KCNN2: variants seen among roughly 807,000 people sequenced by gnomAD.
The protein encoded by KCNN2 is small conductance calcium-activated potassium channel protein 2.
Under a neutral mutation model 55.5 loss-of-function variants are expected in KCNN2, and 24 were observed. That is an observed-to-expected ratio of 0.43 (90% CI 0.31 to 0.61). KCNN2 has a LOEUF of 0.61. Among genes scored for constraint, KCNN2 ranks in the 20% least tolerant of loss-of-function variants. KCNN2 has a pLI of 0.08. For synonymous variants in KCNN2, 431 were observed against 336.1 expected, an observed-to-expected ratio of 1.28 and a Z score of -3.09; for missense variants, 754 against 853.6, an observed-to-expected ratio of 0.88 and a Z score of 1.45.
intron 2 of KCNN2, among the ~76,000 whole-genome samples, chr5:114,369,503 G>A (rs185098069): frequency 9.1e-4 from 138 of 152,274 alleles, no homozygotes; most frequent in African/African-American, 3.2e-3. Flanking sequence ...ATGTACCTAT[G>A]AGGTGGATAA....
chr5:114,386,679 A>G (rs1230705602), intron 2 of KCNN2, among the ~76,000 whole-genome samples: 1 of 152,210 alleles, frequency 6.6e-6, no homozygotes, highest in Non-Finnish European at 1.5e-5. Context: ...TATTTCTCTC[A>G]TTCTTACTCT....
At chr5:114,458,550 A>G (rs1352075154) in intron 3 of KCNN2, among the ~76,000 whole-genome samples, 2 of 152,204 alleles carry the variant, frequency 1.3e-5, no homozygotes, top group Non-Finnish European at 2.9e-5. Flanking sequence ...TTCAAATATT[A>G]CTTCCCTGCT....
At chr5:114,082,006 G>A (rs897948658) in intron 1 of KCNN2, among the ~76,000 whole-genome samples, 2 of 152,108 alleles carry the variant, frequency 1.3e-5, no homozygotes, top group Admixed American at 1.3e-4. Flanking sequence ...TTCCAAAGAA[G>A]ATATAAAAAT....
At chr5:114,313,518 C>A (rs558011323) in intron 2 of KCNN2, among the ~76,000 whole-genome samples, 6 of 152,132 alleles carry the variant, frequency 3.9e-5, no homozygotes, top group African/African-American at 1.4e-4. Flanking sequence ...AAGGTGCTGA[C>A]GTGTGGACAA....
intron 7 of KCNN2, 102 bp from the exon 8 acceptor site, chr5:114,495,793 A>G: frequency 1.8e-6 from 2 of 1,114,706 alleles, no homozygotes; most frequent in Non-Finnish European, 2.6e-6. Flanking sequence ...CCCCTGTTAC[A>G]CTGAATGCCA....
At chr5:114,201,742 G>T (rs1753676877) in intron 1 of KCNN2, among the ~76,000 whole-genome samples, 1 of 151,966 alleles carries the variant, frequency 6.6e-6, no homozygotes, top group Admixed American at 6.5e-5. Flanking sequence ...GAAGCTGTGG[G>T]GAGTGTGGTC....
intron 1 of KCNN2, among the ~76,000 whole-genome samples, chr5:114,106,894 A>T (rs1354261696): frequency 1.3e-5 from 2 of 151,996 alleles, no homozygotes; most frequent in African/African-American, 2.4e-5. Flanking sequence ...CCAAGTTATC[A>T]ACCTTTTTGT....
intron 1 of KCNN2, among the ~76,000 whole-genome samples, chr5:114,109,907 A>T (rs1751561336): frequency 6.6e-6 from 1 of 152,064 alleles, no homozygotes; most frequent in South Asian, 2.1e-4. Context: ...GGCCCCTCCA[A>T]ATCTCAGATG....
chr5:114,240,580 C>T (rs943204713), intron 2 of KCNN2, among the ~76,000 whole-genome samples: 6 of 151,818 alleles, frequency 4.0e-5, no homozygotes, highest in Non-Finnish European at 5.9e-5. Context: ...CACAGGTGCA[C>T]GTCACCATGC....
intron 2 of KCNN2, among the ~76,000 whole-genome samples, chr5:114,275,431 C>G (rs1362616024): frequency 2.0e-5 from 3 of 152,114 alleles, no homozygotes; most frequent in African/African-American, 4.8e-5. Flanking sequence ...CTTTGTACCT[C>G]TGGTAGAATT....
At chr5:114,431,770 C>A (rs1759804249) in intron 3 of KCNN2, among the ~76,000 whole-genome samples, 2 of 152,046 alleles carry the variant, frequency 1.3e-5, no homozygotes, top group African/African-American at 2.4e-5. Flanking sequence ...AATTTTGATA[C>A]ATTGTATTTT....
At chr5:114,309,709 G>C (rs1464469828) in intron 2 of KCNN2, among the ~76,000 whole-genome samples, 3 of 152,130 alleles carry the variant, frequency 2.0e-5, no homozygotes, top group Admixed American at 2.0e-4. Context: ...TAGCTATCTA[G>C]GAGAGTCAAC....
At chr5:114,440,741 T>C (rs955699457) in intron 3 of KCNN2, among the ~76,000 whole-genome samples, 1 of 152,066 alleles carries the variant, frequency 6.6e-6, no homozygotes, top group Admixed American at 6.6e-5. Context: ...TTAAAAGTTA[T>C]AAGTATAACC....
At chr5:114,278,190 A>G (rs762920677) in intron 2 of KCNN2, among the ~76,000 whole-genome samples, 3 of 152,132 alleles carry the variant, frequency 2.0e-5, no homozygotes, top group Admixed American at 1.3e-4. Context: ...CAGAACAGCA[A>G]ATATTGCTGC....
intron 3 of KCNN2, among the ~76,000 whole-genome samples, chr5:114,432,410 A>G (rs539479789): frequency 6.6e-6 from 1 of 152,360 alleles, no homozygotes; most frequent in Non-Finnish European, 1.5e-5. Flanking sequence ...TTTGATTAGT[A>G]TTACCATGGT....
chr5:114,225,382 T>G (rs1280370221), intron 2 of KCNN2, among the ~76,000 whole-genome samples: 2 of 152,168 alleles, frequency 1.3e-5, no homozygotes, highest in Non-Finnish European at 2.9e-5. Context: ...GTGCAGTGTG[T>G]CTGTTTTCTA....
intron 1 of KCNN2, among the ~76,000 whole-genome samples, chr5:114,113,473 G>T (rs1751645089): frequency 6.6e-6 from 1 of 151,928 alleles, no homozygotes; most frequent in African/African-American, 2.4e-5. Context: ...CATTGGCTGG[G>T]GCCCTGTAAA....
chr5:114,437,932 C>T (rs953900854), intron 3 of KCNN2, among the ~76,000 whole-genome samples: 1 of 151,964 alleles, frequency 6.6e-6, no homozygotes, highest in African/African-American at 2.4e-5. Context: ...TTGGTTTTTG[C>T]CTATCCCAGA....
intron 1 of KCNN2, among the ~76,000 whole-genome samples, chr5:114,199,333 T>C (rs903143460): frequency 1.3e-5 from 2 of 152,120 alleles, no homozygotes; most frequent in African/African-American, 4.8e-5. Context: ...GGTAAGTTTC[T>C]TGAAGCAGCA....
Sources: allele counts gnomAD v4.1 joint callset (sites outside exome capture counted in the v4.1 genomes callset), GRCh38; gene constraint gnomAD v4.1.1; transcripts MANE v1.5; gene names NCBI Gene and HGNC (gene_info 2026-07-23, HGNC 2026-07-21).